The following PTPRT variants were observed in gnomAD, a reference collection of about 807,000 sequenced individuals.
PTPRT encodes protein tyrosine phosphatase receptor type T, also known as receptor-type tyrosine-protein phosphatase T.
PTPRT carries 56 observed loss-of-function variants against 176.8 expected under a neutral mutation model. That is an observed-to-expected ratio of 0.32 (90% CI 0.26 to 0.40). PTPRT has a LOEUF of 0.40. Among genes scored for constraint, PTPRT ranks in the 10% least tolerant of loss-of-function variants. The pLI is 1.00. For synonymous variants in PTPRT, 783 were observed against 739.0 expected, an observed-to-expected ratio of 1.06 and a Z score of -0.96; for missense variants, 1,540 against 1,908.2, an observed-to-expected ratio of 0.81 and a Z score of 3.60.
At chr20:42,939,819 T>C (rs1600575965) in intron 1 of PTPRT, among the ~76,000 whole-genome samples, 1 of 152,106 alleles carries the variant, frequency 6.6e-6, no homozygotes, top group Admixed American at 6.5e-5. Context: ...TAGGGTAAAA[T>C]GATGGAGTGG....
intron 17 of PTPRT, among the ~76,000 whole-genome samples, chr20:42,151,510 G>T (rs1989130904): frequency 6.6e-6 from 1 of 152,150 alleles, no homozygotes; most frequent in African/African-American, 2.4e-5. Flanking sequence ...GTATTCCATG[G>T]TATATATGTG....
intron 7 of PTPRT, among the ~76,000 whole-genome samples, chr20:42,586,837 C>A (rs2145742543): frequency 6.6e-6 from 1 of 152,240 alleles, no homozygotes; most frequent in African/African-American, 2.4e-5. Context: ...ACAGGGTGAC[C>A]TTTTGTGGCC....
Position 42,102,113 on chromosome 20 carries a change from G to C in PTPRT, c.3714+11C>G. The C allele has an allele frequency of 4.4e-6, 7 of 1,603,856 alleles. No individual in the cohort carries two copies. Among genetic ancestry groups the C allele is most frequent in the Non-Finnish European group, 6.0e-6 (7 of 1,171,596 alleles). On this transcript the variant is annotated intron_variant, in intron 26 of 30. Coordinates refer to ENST00000373187, the MANE Select transcript of PTPRT (RefSeq NM_007050.6). ...TGCCAGCTAGGAGCTTTCTGCCCGG[G>C]CTCGGCTTACATCCATCAGTGCTGC...
At chr20:42,902,070 T>C (rs533511814) in intron 1 of PTPRT, among the ~76,000 whole-genome samples, 1 of 152,300 alleles carries the variant, frequency 6.6e-6, no homozygotes, top group African/African-American at 2.4e-5. Flanking sequence ...CTAATAGCTG[T>C]CACCCAGGGC....
At chr20:43,137,354 T>C (rs2013864798) in intron 1 of PTPRT, among the ~76,000 whole-genome samples, 1 of 152,226 alleles carries the variant, frequency 6.6e-6, no homozygotes, top group South Asian at 2.1e-4. Context: ...TAAAGTTTTA[T>C]TTGAACACAG....
intron 7 of PTPRT, among the ~76,000 whole-genome samples, chr20:42,665,875 T>C (rs7362290): frequency 0.084 from 11,640 of 138,374 alleles, 492 homozygotes; most frequent in South Asian, 0.16. Context: ...TTCTCACTCA[T>C]AGGTGGGAAT....
intron 15 of PTPRT, among the ~76,000 whole-genome samples, chr20:42,219,068 G>A (rs1034822045): frequency 6.6e-6 from 1 of 152,170 alleles, no homozygotes; most frequent in Non-Finnish European, 1.5e-5. Context: ...AAAATCACAA[G>A]CATGAGATTA....
At position 43,038,051 on chromosome 20, in the gene PTPRT, CCTA is replaced by C. The variant is rs1273876561; in HGVS notation, c.88+151592_88+151594del. On this transcript the variant is annotated intron_variant, in intron 1 of 30. Coordinates refer to ENST00000373187, the MANE Select transcript of PTPRT (RefSeq NM_007050.6). ...CTTCTGTGGCTACACCTGACCTGAG[CCTA>C]TTTATAGCATTATTTATCTGACTTA... Among the ~76,000 whole-genome samples the C allele has an allele frequency of 1.5e-3, 228 of 151,984 alleles. 1 individual carries two copies. The highest frequency in any genetic ancestry group is 5.2e-3 in the African/African-American group (216 of 41,284).
At chr20:42,347,163 C>T (rs1307278964) in intron 11 of PTPRT, among the ~76,000 whole-genome samples, 1 of 152,176 alleles carries the variant, frequency 6.6e-6, no homozygotes, top group Non-Finnish European at 1.5e-5. Flanking sequence ...GATGGTATTT[C>T]CCAACCAGCT....
At chr20:42,084,012 A>T (rs748885711) in intron 29 of PTPRT, among the ~76,000 whole-genome samples, 5 of 152,238 alleles carry the variant, frequency 3.3e-5, no homozygotes, top group Non-Finnish European at 5.9e-5. Flanking sequence ...GTTGGCAGAT[A>T]AAGTGTGTTC....
intron 7 of PTPRT, among the ~76,000 whole-genome samples, chr20:42,477,373 A>C (rs992891261): frequency 6.6e-6 from 1 of 152,024 alleles, no homozygotes; most frequent in Non-Finnish European, 1.5e-5. Context: ...CAGGTCTTTA[A>C]GGGTAATATA....
chr20:42,590,690 TA>T (rs1309338415), intron 7 of PTPRT, among the ~76,000 whole-genome samples: 1 of 152,162 alleles, frequency 6.6e-6, no homozygotes, highest in Non-Finnish European at 1.5e-5. Flanking sequence ...CAGTGTCAAT[TA>T]GATGAAGGAA....
chr20:42,594,321 GA>G (rs1163964905), intron 7 of PTPRT, among the ~76,000 whole-genome samples: 6 of 151,598 alleles, frequency 4.0e-5, no homozygotes, highest in East Asian at 1.9e-4. Flanking sequence ...CTCAAGACAT[GA>G]AAAAAAACCC....
At chr20:42,038,046 C>G in the PTPRT span, among the ~76,000 whole-genome samples, 6 of 152,304 alleles carry the variant, frequency 3.9e-5, no homozygotes, top group Non-Finnish European at 8.8e-5. Flanking sequence ...TATTCTTACT[C>G]TCCTTTAAGA....
chr20:42,513,140 G>T (rs1450447469), intron 7 of PTPRT, among the ~76,000 whole-genome samples: 6 of 151,868 alleles, frequency 4.0e-5, no homozygotes, highest in African/African-American at 1.5e-4. Context: ...GATTACAGGC[G>T]TGAGCTACCA....
chr20:42,080,922 T>A lies in PTPRT; in HGVS notation c.4283A>T (p.Lys1428Ile). 1 of 1,607,302 alleles carries A rather than the reference T, an allele frequency of 6.2e-7. No individual in the cohort carries two copies. The highest frequency in any genetic ancestry group is 1.1e-5 in the South Asian group (1 of 90,930). Residue 1428 changes from lysine to isoleucine, a missense_variant, in exon 31 of 31, where the codon AAA becomes ATA. Around this residue, in one of 11 missense-constraint regions of PTPRT, gnomAD observed 342 missense variants for 394.0 expected, o/e 0.87. Transcript: ENST00000373187. ...TTCCAGTGCCACCTCGTATACAAAT[T>A]TATACTGTTCCTGAGAGGCGGAGAG... ...SNMVETLEQY[K>I]FVYEVALEYL...
intron 7 of PTPRT, among the ~76,000 whole-genome samples, chr20:42,619,820 G>T (rs1185239490): frequency 5.5e-5 from 7 of 127,188 alleles, no homozygotes; most frequent in Non-Finnish European, 1.1e-4. Context: ...CTCTGTATTG[G>T]TTATTCTAGT....
chr20:42,866,206 T>C (rs1198630081), intron 2 of PTPRT, among the ~76,000 whole-genome samples: 1 of 152,184 alleles, frequency 6.6e-6, no homozygotes, highest in Non-Finnish European at 1.5e-5. Flanking sequence ...GCCAACACTT[T>C]CACTTGCTAA....
intron 7 of PTPRT, among the ~76,000 whole-genome samples, chr20:42,653,579 A>G (rs1051319149): frequency 2.0e-5 from 3 of 152,250 alleles, no homozygotes; most frequent in African/African-American, 4.8e-5. Context: ...TGATCTTCAC[A>G]GGCCAGTCTA....
Sources: gnomAD v4.1 joint callset for allele counts (sites outside exome capture counted in the v4.1 genomes callset) on GRCh38, gnomAD v4.1.1 for gene constraint, gnomAD v4.1.1 regional missense constraint, MANE v1.5 for transcripts, NCBI Gene and HGNC (gene_info 2026-07-23, HGNC 2026-07-21) for gene names.